Variants in LYPLAL1 observed in about 807,000 individuals in gnomAD.
LYPLAL1 encodes the protein lysophospholipase like 1, also known as lysophospholipase-like protein 1.
LYPLAL1 carries 23 observed loss-of-function variants against 19.7 expected under a neutral mutation model. That is an observed-to-expected ratio of 1.17 (90% confidence interval 0.84 to 1.65). The LOEUF (loss-of-function observed/expected upper bound fraction) is 1.65. LYPLAL1 is among the 40% of genes most tolerant of loss of function. The pLI, the probability that LYPLAL1 is intolerant of heterozygous loss-of-function variation, is 0.00. For missense variants in LYPLAL1, 355 were observed against 279.4 expected (o/e 1.27, Z -1.93); for synonymous variants, 119 against 96.3 (o/e 1.24, Z -1.38).
chr1:219,371,928 T>A, the LYPLAL1 span, among the ~76,000 whole-genome samples: 2 of 152,218 alleles, frequency 1.3e-5, no homozygotes, highest in Non-Finnish European at 2.9e-5. Flanking sequence ...TTCAATGTAC[T>A]CCACTTTCCC....
At chr1:219,198,287 GA>G (rs569798025) in intron 3 of LYPLAL1, among the ~76,000 whole-genome samples, 54 of 150,732 alleles carry the variant, frequency 3.6e-4, no homozygotes, top group African/African-American at 1.1e-3. Context: ...CACCAAAAAA[GA>G]AAAAAAACTA....
the LYPLAL1 span, among the ~76,000 whole-genome samples, chr1:219,230,288 T>G: frequency 6.6e-6 from 1 of 152,168 alleles, no homozygotes; most frequent in Non-Finnish European, 1.5e-5. Context: ...AATTTGTGTA[T>G]TTTTAGTAGA....
chr1:219,352,669 C>T, the LYPLAL1 span, among the ~76,000 whole-genome samples: 3 of 152,104 alleles, frequency 2.0e-5, no homozygotes, highest in Non-Finnish European at 4.4e-5. Context: ...CTTCCAGGAA[C>T]GATTTAATAG....
the LYPLAL1 span, among the ~76,000 whole-genome samples, chr1:219,318,905 G>T: frequency 6.6e-6 from 1 of 152,178 alleles, no homozygotes; most frequent in Non-Finnish European, 1.5e-5. Context: ...CTCCACTGCC[G>T]GTAAGAAACC....
Position 219,193,074 on chromosome 1 carries a change from T to C in LYPLAL1, c.192-8T>C. On this transcript the variant is annotated splice_polypyrimidine_tract_variant and splice_region_variant and intron_variant, in intron 2 of 4. Coordinates refer to ENST00000366928, the MANE Select transcript of LYPLAL1 (RefSeq NM_138794.5). Reference sequence around the variant, plus strand: ...CTTTTTTTTTGGGGGGGGGCGGTTGTTAAACAGATCATATACTCCTATGAA... The same window carrying C: ...CTTTTTTTTTGGGGGGGGGCGGTTGCTAAACAGATCATATACTCCTATGAA... 6.4e-7 allele frequency: 1 copy of C among 1,562,130 alleles called. No homozygotes were observed. The highest frequency in any genetic ancestry group is 8.7e-7 in the Non-Finnish European group (1 of 1,150,924).
chr1:219,382,895 C>T, the LYPLAL1 span, among the ~76,000 whole-genome samples: 5 of 151,072 alleles, frequency 3.3e-5, no homozygotes, highest in Non-Finnish European at 5.9e-5. Flanking sequence ...ATGGCCAACT[C>T]CAAACAAAGA....
At chr1:219,193,294 G>A (rs767361782) in intron 3 of LYPLAL1, 43 bp downstream of exon 3, 1 of 1,507,702 alleles carries the variant, frequency 6.6e-7, no homozygotes. Flanking sequence ...GTTCACTTTT[G>A]TCTAATTCTA....
the LYPLAL1 span, among the ~76,000 whole-genome samples, chr1:219,345,482 C>T: frequency 8.5e-5 from 13 of 152,288 alleles, no homozygotes; most frequent in African/African-American, 3.1e-4. Flanking sequence ...AATTAACTCT[C>T]ATTCTAAGAT....
chr1:219,302,980 C>T, the LYPLAL1 span, among the ~76,000 whole-genome samples: 6 of 152,172 alleles, frequency 3.9e-5, no homozygotes, highest in Non-Finnish European at 8.8e-5. Context: ...GTCCTCCCTG[C>T]ATTCCTGCTT....
the LYPLAL1 span, among the ~76,000 whole-genome samples, chr1:219,366,658 T>C: frequency 1.2e-3 from 183 of 152,300 alleles, 1 homozygote; most frequent in African/African-American, 3.3e-3. Flanking sequence ...TCTGCTCACA[T>C]TGGGGCCAAA....
the LYPLAL1 span, among the ~76,000 whole-genome samples, chr1:219,440,528 G>C: frequency 6.6e-6 from 1 of 152,114 alleles, no homozygotes; most frequent in East Asian, 1.9e-4. Flanking sequence ...TTACTGGCCA[G>C]AGATGGGTCA....
the LYPLAL1 span, among the ~76,000 whole-genome samples, chr1:219,265,157 G>T: frequency 6.6e-6 from 1 of 152,190 alleles, no homozygotes. Flanking sequence ...CACAGCATGG[G>T]TGTGGTCCTG....
chr1:219,365,607 A>C, the LYPLAL1 span, among the ~76,000 whole-genome samples: 1 of 152,130 alleles, frequency 6.6e-6, no homozygotes, highest in Non-Finnish European at 1.5e-5. Flanking sequence ...CAAAGTTTAG[A>C]CCTGGGAATG....
the LYPLAL1 span, among the ~76,000 whole-genome samples, chr1:219,260,862 A>G: frequency 6.6e-6 from 1 of 151,878 alleles, no homozygotes; most frequent in East Asian, 1.9e-4. Context: ...ATTAGGTTCT[A>G]TAGGCCAAAT....
At chr1:219,272,658 A>G in the LYPLAL1 span, 3 of 152,110 alleles carry the variant, frequency 2.0e-5, no homozygotes, top group South Asian at 6.2e-4. Flanking sequence ...AATCCCAGCT[A>G]CTTGGAAAGC....
the LYPLAL1 span, among the ~76,000 whole-genome samples, chr1:219,307,167 A>C: frequency 6.6e-6 from 1 of 152,108 alleles, no homozygotes; most frequent in Non-Finnish European, 1.5e-5. Flanking sequence ...TGGCAGAGAA[A>C]ACTAGCTGGT....
chr1:219,178,544 T>G (rs1250779764), intron 1 of LYPLAL1, among the ~76,000 whole-genome samples: 1 of 152,248 alleles, frequency 6.6e-6, no homozygotes. Flanking sequence ...TTTTTTTCTG[T>G]AAATACATAT....
chr1:219,445,455 GA>G, the LYPLAL1 span, among the ~76,000 whole-genome samples: 2 of 151,218 alleles, frequency 1.3e-5, no homozygotes, highest in African/African-American at 4.8e-5. Context: ...GCAGTTGTAA[GA>G]GAAAAAAGGT....
the LYPLAL1 span, among the ~76,000 whole-genome samples, chr1:219,281,579 A>G: frequency 2.0e-5 from 3 of 152,116 alleles, no homozygotes; most frequent in Non-Finnish European, 2.9e-5. Context: ...CAGCCAAGCA[A>G]CTACTATAGA....
Sources: allele counts gnomAD v4.1 joint callset (sites outside exome capture counted in the v4.1 genomes callset), GRCh38; gene constraint gnomAD v4.1.1; transcripts MANE v1.5; gene names NCBI Gene and HGNC (gene_info 2026-07-23, HGNC 2026-07-21).